ROBO2: variants seen among roughly 807,000 people sequenced by gnomAD.
ROBO2 encodes roundabout homolog 2.
In ROBO2, 53 loss-of-function variants were observed where a neutral mutation model predicts 160.8. The observed-to-expected ratio is 0.33, with a 90% CI of 0.26 to 0.41. The LOEUF is 0.41. Among genes scored for constraint, ROBO2 ranks in the 10% least tolerant of loss-of-function variants. The pLI, the probability that ROBO2 is intolerant of heterozygous loss-of-function variation, is 1.00. For synonymous variants in ROBO2, 664 were observed against 611.7 expected, an observed-to-expected ratio of 1.09 and a Z score of -1.26; for missense variants, 1,577 against 1,722.4, an observed-to-expected ratio of 0.92 and a Z score of 1.49.
At chr3:76,031,988 G>T (rs2066936990) in intron 2 of ROBO2, among the ~76,000 whole-genome samples, 2 of 150,576 alleles carry the variant, frequency 1.3e-5, no homozygotes, top group Admixed American at 6.6e-5. Flanking sequence ...GTGAATCCTG[G>T]ACTTTTTTTG....
intron 2 of ROBO2, among the ~76,000 whole-genome samples, chr3:76,567,743 T>TA (rs1553805904): frequency 4.7e-5 from 5 of 106,046 alleles, no homozygotes; most frequent in Admixed American, 1.3e-4. Flanking sequence ...ATATACTGTT[T>TA]TATATATATA....
At chr3:77,561,299 A>G (rs1350936562) in intron 9 of ROBO2, among the ~76,000 whole-genome samples, 1 of 152,184 alleles carries the variant, frequency 6.6e-6, no homozygotes, top group Non-Finnish European at 1.5e-5. Context: ...ACTGATGTTC[A>G]TCACAGAATA....
At chr3:76,747,050 C>A (rs916745187) in intron 2 of ROBO2, among the ~76,000 whole-genome samples, 3 of 152,078 alleles carry the variant, frequency 2.0e-5, no homozygotes, top group African/African-American at 7.2e-5. Flanking sequence ...TCCAGTCTAT[C>A]ATTGATGGGC....
chr3:77,193,131 AC>A (rs2082011298), intron 2 of ROBO2, among the ~76,000 whole-genome samples: 1 of 152,140 alleles, frequency 6.6e-6, no homozygotes, highest in Non-Finnish European at 1.5e-5. Context: ...GGGAGTAGAA[AC>A]AAAATTTGTG....
intron 19 of ROBO2, among the ~76,000 whole-genome samples, chr3:77,598,503 ACG>A (rs2094358837): frequency 1.6e-5 from 2 of 128,658 alleles, no homozygotes; most frequent in Admixed American, 9.2e-5. Flanking sequence ...ATATATATAT[ACG>A]CACACACATA....
At chr3:76,198,852 G>A (rs1702383904) in intron 2 of ROBO2, among the ~76,000 whole-genome samples, 2 of 151,994 alleles carry the variant, frequency 1.3e-5, no homozygotes. Context: ...CTCCCACTTT[G>A]AGGTGTCCCA....
chr3:76,674,948 C>T (rs1004661464), intron 2 of ROBO2, among the ~76,000 whole-genome samples: 11 of 151,732 alleles, frequency 7.2e-5, no homozygotes, highest in Admixed American at 2.6e-4. Flanking sequence ...TGAAAAAAAA[C>T]AAACAAAAAG....
At chr3:77,336,653 G>T (rs965632602) in intron 2 of ROBO2, among the ~76,000 whole-genome samples, 5 of 152,058 alleles carry the variant, frequency 3.3e-5, no homozygotes, top group Non-Finnish European at 5.9e-5. Flanking sequence ...ACTAATGAGG[G>T]CCTTCCATAA....
At chr3:77,514,833 C>T (rs2089827758) in intron 5 of ROBO2, among the ~76,000 whole-genome samples, 1 of 151,584 alleles carries the variant, frequency 6.6e-6, no homozygotes, top group African/African-American at 2.4e-5. Context: ...AGAAATAAGG[C>T]CACATCTGTT....
chr3:76,914,388 C>T (rs2076183395), intron 2 of ROBO2, among the ~76,000 whole-genome samples: 1 of 151,930 alleles, frequency 6.6e-6, no homozygotes, highest in African/African-American at 2.4e-5. Context: ...CTCAAATATA[C>T]ATTAGAGAGT....
At chr3:77,246,430 A>G (rs1329236898) in intron 2 of ROBO2, among the ~76,000 whole-genome samples, 1 of 151,792 alleles carries the variant, frequency 6.6e-6, no homozygotes, top group South Asian at 2.1e-4. Flanking sequence ...TTTTGTGGCT[A>G]CACTCACTTT....
chr3:76,081,689 T>C (rs545182857), intron 2 of ROBO2, among the ~76,000 whole-genome samples: 1 of 152,202 alleles, frequency 6.6e-6, no homozygotes, highest in East Asian at 1.9e-4. Flanking sequence ...AAGATCCCCT[T>C]TTCATAGATG....
intron 2 of ROBO2, among the ~76,000 whole-genome samples, chr3:76,285,423 ACT>A (rs1369253227): frequency 1.3e-5 from 2 of 152,004 alleles, no homozygotes; most frequent in Admixed American, 1.3e-4. Context: ...GCATATCAAA[ACT>A]CTTGATTGCC....
chr3:76,052,635 A>G (rs1255581563), intron 2 of ROBO2, among the ~76,000 whole-genome samples: 2 of 152,068 alleles, frequency 1.3e-5, no homozygotes, highest in East Asian at 3.8e-4. Flanking sequence ...TATAAAACAA[A>G]ATATAAGAAC....
At chr3:75,964,309 C>T (rs1281206340) in intron 2 of ROBO2, among the ~76,000 whole-genome samples, 1 of 151,698 alleles carries the variant, frequency 6.6e-6, no homozygotes, top group African/African-American at 2.4e-5. Context: ...TTGGAATGTG[C>T]AGGAACAAGA....
intron 2 of ROBO2, among the ~76,000 whole-genome samples, chr3:77,444,095 T>C (rs2080229249): frequency 6.6e-6 from 1 of 152,204 alleles, no homozygotes; most frequent in South Asian, 2.1e-4. Context: ...TTAGATCTTC[T>C]TTTCTATTTA....
chr3:76,386,343 C>CTCCT (rs2076884721), intron 2 of ROBO2, among the ~76,000 whole-genome samples: 1 of 125,566 alleles, frequency 8.0e-6, no homozygotes, highest in African/African-American at 3.1e-5. Flanking sequence ...CCCTCCCTCC[C>CTCCT]TCCCTCCCTC....
At chr3:77,403,411 A>G (rs4485700) in intron 2 of ROBO2, among the ~76,000 whole-genome samples, 80,523 of 151,944 alleles carry the variant, frequency 0.53, 22,289 homozygotes, top group African/African-American at 0.69. Context: ...TACTCTCTGC[A>G]TCTATGACTT....
At chr3:76,607,749 A>G (rs12495588) in intron 2 of ROBO2, among the ~76,000 whole-genome samples, 12,872 of 152,236 alleles carry the variant, frequency 0.085, 743 homozygotes, top group Middle Eastern at 0.15. Flanking sequence ...GACATCACCT[A>G]TCACCCAGCA....
Sources: allele counts gnomAD v4.1 joint callset (sites outside exome capture counted in the v4.1 genomes callset), GRCh38; gene constraint gnomAD v4.1.1; transcripts MANE v1.5; gene names NCBI Gene and HGNC (gene_info 2026-07-23, HGNC 2026-07-21).